CELF5: variants seen among roughly 807,000 people sequenced by gnomAD.
The protein encoded by CELF5 is CUGBP Elav-like family member 5, also known as CUG-BP and ETR-3 like factor 5.
A neutral mutation model predicts 54.9 loss-of-function variants in CELF5; 6 were observed. That is an observed-to-expected ratio of 0.11 (90% CI 0.06 to 0.22). The LOEUF (loss-of-function observed/expected upper bound fraction) is 0.22. Among genes scored for constraint, CELF5 ranks in the 10% least tolerant of loss-of-function variants. The probability of loss-of-function intolerance (pLI) is 1.00; values close to 1 mark genes in which losing one functional copy is unlikely to be tolerated. For synonymous variants in CELF5, 271 were observed against 290.9 expected, an observed-to-expected ratio of 0.93 and a Z score of 0.70; for missense variants, 401 against 678.6, an observed-to-expected ratio of 0.59 and a Z score of 4.54.
rs1321779196 is a variant in CELF5 at position 3,278,469 on chromosome 19, G to A, written c.603+359G>A. Among the ~76,000 whole-genome samples the A allele has an allele frequency of 1.3e-5, 2 of 151,978 alleles. No homozygotes were observed. The highest frequency in any genetic ancestry group is 2.9e-5 in the Non-Finnish European group (2 of 67,996). Reference sequence around the variant, plus strand: ...TGAGTGTGTCATTACTAGTAGGCGAGTGTTATGTGAGTGCTGTGTGCACGA... The same window carrying A: ...TGAGTGTGTCATTACTAGTAGGCGAATGTTATGTGAGTGCTGTGTGCACGA... On this transcript the variant is annotated intron_variant, in intron 5 of 12. Coordinates refer to ENST00000292672, the MANE Select transcript of CELF5 (RefSeq NM_021938.4). The surrounding 1 kb of genome is among the most constrained non-coding windows in gnomAD (Gnocchi z 4.5).
intron 1 of CELF5, among the ~76,000 whole-genome samples, chr19:3,237,980 C>T (rs1041918581): frequency 3.3e-5 from 5 of 151,754 alleles, no homozygotes; most frequent in Non-Finnish European, 2.9e-5. Context: ...ACCCAGGAGG[C>T]GGAGCTTGCA....
chr19:3,245,269 ATC>A (rs921053400), intron 1 of CELF5, among the ~76,000 whole-genome samples: 2 of 125,568 alleles, frequency 1.6e-5, no homozygotes, highest in African/African-American at 3.2e-5. Context: ...GTGTGTATGC[ATC>A]TCTGTGTGTG....
At chr19:3,270,023 A>G (rs1304592655) in intron 2 of CELF5, among the ~76,000 whole-genome samples, 3 of 152,096 alleles carry the variant, frequency 2.0e-5, no homozygotes, top group African/African-American at 4.8e-5. Flanking sequence ...ATTGTTTCCA[A>G]TCGTTCCAAA....
chr19:3,286,968 G>A (rs1358665357), intron 10 of CELF5, among the ~76,000 whole-genome samples: 5 of 147,760 alleles, frequency 3.4e-5, no homozygotes, highest in Non-Finnish European at 5.9e-5. Flanking sequence ...CCAGGAGGCG[G>A]AGCTTGCAGT....
At chr19:3,233,096 T>A (rs963974299) in intron 1 of CELF5, among the ~76,000 whole-genome samples, 1 of 131,938 alleles carries the variant, frequency 7.6e-6, no homozygotes, top group Non-Finnish European at 1.7e-5. Context: ...AAATTAAAAT[T>A]AAAAATAAAT....
chr19:3,258,774 G>T (rs1420811687), intron 2 of CELF5, among the ~76,000 whole-genome samples: 1 of 151,802 alleles, frequency 6.6e-6, no homozygotes, highest in Non-Finnish European at 1.5e-5. Flanking sequence ...ACCACGCCTG[G>T]CTAGTTTTTT....
At chr19:3,232,466 C>T (rs1431775320) in intron 1 of CELF5, among the ~76,000 whole-genome samples, 1 of 151,972 alleles carries the variant, frequency 6.6e-6, no homozygotes, top group East Asian at 1.9e-4. Context: ...ATTGCTTGAT[C>T]ACAGGAGTTA....
rs1040696347 is a variant in CELF5 at position 3,250,838 on chromosome 19, G to A, written c.260-147G>A. On this transcript the variant is annotated intron_variant, in intron 1 of 12. Coordinates refer to ENST00000292672, the MANE Select transcript of CELF5 (RefSeq NM_021938.4). ...CCTTTTCTTGGCTGAATAATATTCC[G>A]TTGCGTGGATGCACCAGGTTGTGTA... 5.1e-5 allele frequency: 32 copies of A among 622,796 alleles called. No homozygotes were observed. The Admixed American group carries it at 8.5e-4, about 17-fold the overall frequency. 38.6% of individuals were successfully genotyped at this position (622,796 alleles called of 1,614,324 possible). A position where few individuals can be genotyped will look rare whatever the true frequency, so the allele number is the denominator to read the frequency against.
chr19:3,257,363 A>G (rs1030323688), intron 2 of CELF5, among the ~76,000 whole-genome samples: 1 of 152,080 alleles, frequency 6.6e-6, no homozygotes, highest in Non-Finnish European at 1.5e-5. Context: ...CAGAGACAGG[A>G]CCGCCACAGT....
Position 3,281,114 on chromosome 19 carries a change from GC to G in CELF5, c.604-83del, listed in dbSNP as rs1239224883. The G allele has an allele frequency of 9.3e-5, 139 of 1,489,978 alleles. No homozygotes were observed. In the East Asian group the frequency reaches 3.1e-3, roughly 33 times the overall value. The allele number at this position is 1,489,978 out of a possible 1,614,324, so 92.3% of individuals were successfully genotyped here. A position where few individuals can be genotyped will look rare whatever the true frequency, so the allele number is the denominator to read the frequency against. On this transcript the variant is annotated intron_variant, in intron 5 of 12. Transcript: ENST00000292672. This position sits in a 1 kb window ranked among gnomAD's most constrained non-coding sequence, Gnocchi z 6.5. ...TGGCATTACACCCCTCACCCAGGAG[GC>G]CTGAGCTAACATGAATCCAGGGACC...
At chr19:3,248,011 G>A (rs764792710) in intron 1 of CELF5, among the ~76,000 whole-genome samples, 18 of 151,236 alleles carry the variant, frequency 1.2e-4, no homozygotes, top group African/African-American at 3.6e-4. Flanking sequence ...ATGATCCACC[G>A]GCCTCTGCCT....
chr19:3,285,056 C>T (rs1430505745), intron 9 of CELF5, 92 bp downstream of exon 9: 5 of 999,726 alleles, frequency 5.0e-6, no homozygotes, highest in Non-Finnish European at 7.5e-6. Flanking sequence ...TGTCGTTCTT[C>T]TGTGCCTAGC....
chr19:3,231,514 A>ATGGATGGG (rs1277392607), intron 1 of CELF5, among the ~76,000 whole-genome samples: 2 of 146,212 alleles, frequency 1.4e-5, no homozygotes, highest in Non-Finnish European at 3.0e-5. Flanking sequence ...GGATTTATGG[A>ATGGATGGG]TGGATGGGTG....
intron 1 of CELF5, chr19:3,225,653 GCTCGGGGGGACGCGCCCGCCTCGCCTGC>G: frequency 1.1e-6 from 1 of 950,532 alleles, no homozygotes; most frequent in Non-Finnish European, 1.3e-6. Flanking sequence ...GGGGCGCCCG[GCTCGGGGGGACGCGCCCGCCTCGCCTGC>G]CTCGGGTGGC....
At chr19:3,283,404 G>A (rs1437673853) in intron 8 of CELF5, among the ~76,000 whole-genome samples, 1 of 152,156 alleles carries the variant, frequency 6.6e-6, no homozygotes, top group East Asian at 1.9e-4. Flanking sequence ...AGGCTGGAGT[G>A]CAGTGGTGTC....
chr19:3,271,481 G>A (rs1447507560), intron 2 of CELF5, among the ~76,000 whole-genome samples: 1 of 152,168 alleles, frequency 6.6e-6, no homozygotes, highest in Admixed American at 6.5e-5. Flanking sequence ...GTGCGGCTGG[G>A]CGGCAGGAAG....
At chr19:3,277,885 C>A in intron 4 of CELF5, 146 bp from the exon 5 acceptor site, 1 of 641,992 alleles carries the variant, frequency 1.6e-6, no homozygotes. Context: ...GAGCAAACGG[C>A]TGGCTGTCTT....
At chr19:3,296,676 T>C (rs1317598857) in intron 12 of CELF5, 82 bp from the exon 13 acceptor site, 4 of 152,044 alleles carry the variant, frequency 2.6e-5, no homozygotes, top group African/African-American at 4.8e-5. Flanking sequence ...TGCTTGGGAG[T>C]GTGTGCCGGT....
intron 1 of CELF5, among the ~76,000 whole-genome samples, chr19:3,231,854 ATGAATGAG>A (rs550474396): frequency 8.0e-4 from 121 of 151,674 alleles, no homozygotes; most frequent in African/African-American, 2.6e-3. Flanking sequence ...GGATGCATGA[ATGAATGAG>A]TGAATGAGTG....
Sources: gnomAD v4.1 joint callset for allele counts (sites outside exome capture counted in the v4.1 genomes callset) on GRCh38, gnomAD v4.1.1 for gene constraint, Gnocchi (gnomAD v3.1) non-coding constraint, MANE v1.5 for transcripts, NCBI Gene and HGNC (gene_info 2026-07-23, HGNC 2026-07-21) for gene names.